Variants in AGBL1 observed in about 807,000 individuals in gnomAD.
The protein encoded by AGBL1 is AGBL carboxypeptidase 1, also known as cytosolic carboxypeptidase 4.
AGBL1 carries 130 observed loss-of-function variants against 118.9 expected under a neutral mutation model. The observed-to-expected ratio is 1.09, with a 90% CI of 0.95 to 1.26. The LOEUF is 1.26. AGBL1 is among the 50% of genes most tolerant of loss of function. AGBL1 has a pLI of 0.00. For missense variants in AGBL1, 1,584 were observed against 1,298.1 expected (o/e 1.22, Z -3.38); for synonymous variants, 555 against 478.9 (o/e 1.16, Z -2.08).
chr15:86,937,712 C>T (rs2080693551), intron 23 of AGBL1, among the ~76,000 whole-genome samples: 1 of 152,138 alleles, frequency 6.6e-6, no homozygotes, highest in Non-Finnish European at 1.5e-5. Context: ...GGCTTAATAC[C>T]TGGGTGATGA....
chr15:86,647,786 G>A (rs2085309559), intron 21 of AGBL1, among the ~76,000 whole-genome samples: 1 of 152,182 alleles, frequency 6.6e-6, no homozygotes, highest in Non-Finnish European at 1.5e-5. Flanking sequence ...AAGGTGATAA[G>A]TGTTGTCAAA....
rs150261781 is a variant in AGBL1, at chr15:86,154,444, C to G, written c.277C>G (p.Arg93Gly). The change falls in exon 4 of 23, where the codon CGG becomes GGG. Residue 93 changes from arginine to glycine, a missense_variant. Arg to Gly is a moderately radical substitution (Grantham distance 125). Coordinates refer to ENST00000614907, the MANE Select transcript of AGBL1 (RefSeq NM_001386094.1). ...KVGLRDKKIGRKALELEALDV... is the reference protein window; with the variant it reads ...KVGLRDKKIGGKALELEALDV... Reference sequence around the variant, plus strand: ...TGTGTTCTTAGATAAAAAGATTGGACGGAAGGCCCTAGAATTGGAAGCACT... The same window carrying G: ...TGTGTTCTTAGATAAAAAGATTGGAGGGAAGGCCCTAGAATTGGAAGCACT... 6.2e-7 allele frequency: 1 copy of G among 1,612,124 alleles called. No individual in the cohort carries two copies. The highest frequency in any genetic ancestry group is 2.2e-5 in the East Asian group (1 of 44,770).
In AGBL1 at chr15:86,753,397, C is replaced by CTTT. The variant is rs1555446759; in HGVS notation, c.3158+78977_3158+78979dup. Among the ~76,000 whole-genome samples, 364 of 111,268 alleles carry CTTT rather than the reference C, an allele frequency of 3.3e-3. 5 individuals carry two copies. The highest frequency in any genetic ancestry group is 0.012 in the East Asian group (46 of 3,776). The allele number at this position is 111,268 out of a possible 152,430, so 73.0% of individuals were successfully genotyped here. A position where few individuals can be genotyped will look rare whatever the true frequency, so the allele number is the denominator to read the frequency against. ...CAAGGCTTTCTTTCTTTTTCTTTTT[C>CTTT]TTTTTTTTTTTTTTTTTTGAGACAG... On this transcript the variant is annotated intron_variant, in intron 22 of 22. Coordinates refer to ENST00000614907, the MANE Select transcript of AGBL1 (RefSeq NM_001386094.1).
At chr15:86,691,546 C>A (rs1454238658) in intron 22 of AGBL1, among the ~76,000 whole-genome samples, 1 of 151,976 alleles carries the variant, frequency 6.6e-6, no homozygotes, top group Non-Finnish European at 1.5e-5. Flanking sequence ...GTAAAATGCT[C>A]CCAGATGTTT....
At chr15:86,147,909 A>T (rs936027160) in intron 3 of AGBL1, among the ~76,000 whole-genome samples, 1 of 152,176 alleles carries the variant, frequency 6.6e-6, no homozygotes, top group Non-Finnish European at 1.5e-5. Flanking sequence ...AAGCTTCCAG[A>T]GGAAGGATCA....
intron 17 of AGBL1, among the ~76,000 whole-genome samples, chr15:86,352,494 T>G (rs1304600877): frequency 6.6e-6 from 1 of 151,642 alleles, no homozygotes; most frequent in East Asian, 1.9e-4. Context: ...TTTTTTTTTT[T>G]GGAATGGAGT....
chr15:86,629,391 C>A (rs1248226791), intron 21 of AGBL1, among the ~76,000 whole-genome samples: 2 of 152,128 alleles, frequency 1.3e-5, no homozygotes, highest in African/African-American at 4.8e-5. Flanking sequence ...TTAGAGCTGG[C>A]ATGAGTCTTA....
intron 22 of AGBL1, among the ~76,000 whole-genome samples, chr15:86,677,007 C>G (rs1266943504): frequency 6.6e-6 from 1 of 152,048 alleles, no homozygotes; most frequent in Non-Finnish European, 1.5e-5. Flanking sequence ...CAGAGGGAGA[C>G]TCTGTCTCAA....
intron 24 of AGBL1, among the ~76,000 whole-genome samples, chr15:87,004,176 C>T (rs1384084049): frequency 6.6e-6 from 1 of 152,174 alleles, no homozygotes; most frequent in Non-Finnish European, 1.5e-5. Context: ...TCTTTGTTCT[C>T]ACTGGTTTCA....
At position 86,394,353 on chromosome 15, in the gene AGBL1, G is replaced by A. The variant is rs577654033; in HGVS notation, c.2375-3013G>A. 3.9e-5 allele frequency among the ~76,000 whole-genome samples: 6 copies of A among 152,082 alleles called. 1 individual carries two copies. The South Asian group carries it at 1.2e-3, about 31-fold the overall frequency. Reference sequence around the variant, plus strand: ...CATCATCTCCCTTTTTCTTAAGATAGCGGTTCTCAATTGTTCTTTTCTAAA... The same window carrying A: ...CATCATCTCCCTTTTTCTTAAGATAACGGTTCTCAATTGTTCTTTTCTAAA... On this transcript the variant is annotated intron_variant, in intron 17 of 22. Coordinates refer to ENST00000614907, the MANE Select transcript of AGBL1 (RefSeq NM_001386094.1).
chr15:86,459,289 A>T (rs1349901911), intron 18 of AGBL1, among the ~76,000 whole-genome samples: 1 of 152,086 alleles, frequency 6.6e-6, no homozygotes, highest in East Asian at 1.9e-4. Flanking sequence ...CTTTTATACT[A>T]CCAGTTTTCC....
chr15:86,213,209 G>A (rs1017411292), intron 5 of AGBL1, among the ~76,000 whole-genome samples: 1 of 152,202 alleles, frequency 6.6e-6, no homozygotes, highest in Non-Finnish European at 1.5e-5. Context: ...TAGGAAAGAA[G>A]AATGTTTATG....
At chr15:86,492,066 C>G (rs2082788465) in intron 18 of AGBL1, among the ~76,000 whole-genome samples, 1 of 152,164 alleles carries the variant, frequency 6.6e-6, no homozygotes, top group East Asian at 1.9e-4. Flanking sequence ...AATCCCTACC[C>G]TCAAAGTGCT....
intron 22 of AGBL1, among the ~76,000 whole-genome samples, chr15:86,688,107 A>G (rs2086094646): frequency 6.6e-6 from 1 of 152,180 alleles, no homozygotes; most frequent in African/African-American, 2.4e-5. Context: ...AGGAGAAACA[A>G]CAAGCGCATG....
At chr15:86,618,484 A>G (rs2084760743) in intron 21 of AGBL1, among the ~76,000 whole-genome samples, 1 of 152,220 alleles carries the variant, frequency 6.6e-6, no homozygotes, top group South Asian at 2.1e-4. Flanking sequence ...TTAAAAATAT[A>G]GATCTCTGGG....
intron 22 of AGBL1, among the ~76,000 whole-genome samples, chr15:86,756,979 C>A (rs190903562): frequency 6.6e-6 from 1 of 150,608 alleles, no homozygotes; most frequent in South Asian, 2.1e-4. Context: ...CTACTCATTC[C>A]GCTTGTAACT....
At chr15:86,830,735 G>T (rs903188931) in intron 22 of AGBL1, among the ~76,000 whole-genome samples, 4 of 152,160 alleles carry the variant, frequency 2.6e-5, no homozygotes, top group African/African-American at 9.7e-5. Flanking sequence ...TATCCTGGAA[G>T]GGTATTAATT....
At chr15:86,385,623 C>T (rs373309710) in intron 17 of AGBL1, among the ~76,000 whole-genome samples, 11 of 152,238 alleles carry the variant, frequency 7.2e-5, no homozygotes, top group Non-Finnish European at 1.5e-4. Flanking sequence ...TTGTCTGACA[C>T]TCCTTGACAT....
chr15:86,681,839 A>G (rs1938180065), intron 22 of AGBL1, among the ~76,000 whole-genome samples: 1 of 152,142 alleles, frequency 6.6e-6, no homozygotes, highest in African/African-American at 2.4e-5. Context: ...GAGGTTAAGG[A>G]GAGCAGGCAT....
Sources: allele counts gnomAD v4.1 joint callset (sites outside exome capture counted in the v4.1 genomes callset), GRCh38; gene constraint gnomAD v4.1.1; transcripts MANE v1.5; gene names NCBI Gene and HGNC (gene_info 2026-07-23, HGNC 2026-07-21).